PPRC1: variants seen among roughly 807,000 people sequenced by gnomAD.
PPRC1 encodes PPARG related coactivator 1.
Under a neutral mutation model 132.5 loss-of-function variants are expected in PPRC1, and 23 were observed. The ratio of observed to expected loss-of-function variants is 0.17; its 90% CI spans 0.12 to 0.25. The LOEUF (loss-of-function observed/expected upper bound fraction) is 0.25. Ranked by LOEUF, PPRC1 falls within the 10% of genes least tolerant of loss-of-function variation. The pLI is 1.00. For missense variants in PPRC1, 2,006 were observed against 2,089.1 expected (o/e 0.96, Z 0.78); for synonymous variants, 872 against 833.5 (o/e 1.05, Z -0.80).
chr10:102,146,332 A>G (rs751666253), intron 8 of PPRC1, among the ~76,000 whole-genome samples: 13 of 152,178 alleles, frequency 8.5e-5, no homozygotes, highest in Non-Finnish European at 1.6e-4. Context: ...TGATGACTGC[A>G]TGAGTGCAGG....
intron 2 of PPRC1, 35 bp downstream of exon 2, chr10:102,138,073 G>C: frequency 6.3e-7 from 1 of 1,597,882 alleles, no homozygotes; most frequent in Non-Finnish European, 8.5e-7. Context: ...TCTTCAAGCA[G>C]GAGGTTTACA....
At chr10:102,137,298 G>A (rs930003994) in intron 1 of PPRC1, among the ~76,000 whole-genome samples, 5 of 152,158 alleles carry the variant, frequency 3.3e-5, no homozygotes, top group Non-Finnish European at 7.4e-5. Context: ...TGGGGATGGG[G>A]GTAGGGGGTG....
chr10:102,149,189 G>C lies in PPRC1; in HGVS notation c.4751G>C (p.Gly1584Ala), dbSNP rs761512335. 1.9e-6 allele frequency: 3 copies of C among 1,591,980 alleles called. No individual in the cohort carries two copies. The highest frequency in any genetic ancestry group is 3.5e-5 in the Admixed American group (2 of 56,770). Residue 1584 changes from glycine (G) to alanine (A), a missense_variant, in exon 13 of 14, where the codon GGC becomes GCC. This residue lies in a region of PPRC1 where 92 missense variants were observed against 171.9 expected (regional missense o/e 0.54). Transcript: ENST00000278070. ...IHFRVQGDNY[G>A]FVTYRYAEEA... ...TCTCCTCCTACTAGGGACAACTACGGCTTCGTCACTTATCGCTATGCTGAG... is the reference window on the plus strand; with the variant it reads ...TCTCCTCCTACTAGGGACAACTACGCCTTCGTCACTTATCGCTATGCTGAG...
intron 2 of PPRC1, among the ~76,000 whole-genome samples, 195 bp downstream of exon 2, chr10:102,138,233 A>G (rs1277226591): frequency 1.3e-5 from 2 of 152,220 alleles, no homozygotes; most frequent in Non-Finnish European, 2.9e-5. Flanking sequence ...CCATGTAAGA[A>G]TTCCTTTCCT....
rs565951388 is a variant in PPRC1, at chr10:102,140,501, C to G, written c.1993C>G (p.Pro665Ala). 2.5e-6 allele frequency: 4 copies of G among 1,614,146 alleles called. 1 individual carries two copies. The South Asian group carries it at 3.3e-5, about 13-fold the overall frequency. Residue 665 changes from proline to alanine, a missense_variant, in exon 5 of 14, where the codon CCA becomes GCA. By Grantham distance (27) the Pro-to-Ala change is conservative. Transcript: ENST00000278070. ...TGATGCTGTCCCGTCTGGCCCAGCA[C>G]CAGTTGATCTAGCACTGGTTGACCC... The part of the protein sequence containing the change: ...PVDAVPSGPA[P>A]VDLALVDPVP...
intron 8 of PPRC1, among the ~76,000 whole-genome samples, chr10:102,146,444 A>G (rs1257538092): frequency 2.0e-5 from 3 of 152,014 alleles, no homozygotes; most frequent in Non-Finnish European, 4.4e-5. Context: ...GGGTAGTGAG[A>G]GGATGAGGGC....
Position 102,140,830 on chromosome 10 carries a change from C to G in PPRC1, c.2322C>G (p.Pro774=), listed in dbSNP as rs770203305. 29 of 1,613,868 alleles carry G rather than the reference C, an allele frequency of 1.8e-5. No individual in the cohort carries two copies. The South Asian group carries it at 3.0e-4, about 16-fold the overall frequency. ...AAACAGAAGAGAGAAGTCCACAGCC[C>G]CCAACTGGGAAGTGGCCTAGCCTTC... ...QAETEERSPQ[P]PTGKWPSLPE... Residue 774 remains proline, a synonymous_variant, in exon 5 of 14, where the codon CCC becomes CCG. Coordinates refer to ENST00000278070, the MANE Select transcript of PPRC1 (RefSeq NM_015062.5).
intron 6 of PPRC1, among the ~76,000 whole-genome samples, chr10:102,143,615 A>AG (rs1368819862): frequency 6.6e-6 from 1 of 151,942 alleles, no homozygotes; most frequent in Non-Finnish European, 1.5e-5. Flanking sequence ...AAAAAAAAAA[A>AG]AAAAGGAATC....
chr10:102,126,689 C>G, the PPRC1 span, among the ~76,000 whole-genome samples: 1 of 151,888 alleles, frequency 6.6e-6, no homozygotes, highest in Non-Finnish European at 1.5e-5. Context: ...GAACTCCTGA[C>G]CTCAGGTGAT....
chr10:102,127,047 AT>A, the PPRC1 span, among the ~76,000 whole-genome samples: 27 of 57,660 alleles, frequency 4.7e-4, no homozygotes, highest in South Asian at 7.3e-4. Flanking sequence ...ATATATATAT[AT>A]ATATATATAT....
chr10:102,148,987 A>C lies in PPRC1; in HGVS notation c.4739+49A>C, dbSNP rs772408004. 67 of 1,600,470 alleles carry C rather than the reference A, an allele frequency of 4.2e-5. 1 individual carries two copies. The highest frequency in any genetic ancestry group is 5.7e-5 in the Non-Finnish European group (67 of 1,173,892). ...GATGTTCTTTCTATCCCATTCATCT[A>C]CCTTGGTGTTTCTTTGTCTTGCCTC... is the stretch of plus-strand genomic sequence containing the variant. On this transcript the variant is annotated intron_variant, in intron 12 of 13. Transcript: ENST00000278070. The surrounding 1 kb of genome is among the most constrained non-coding windows in gnomAD (Gnocchi z 4.2).
chr10:102,146,910 A>G lies in PPRC1; in HGVS notation c.3918A>G (p.Pro1306=). The G allele has an allele frequency of 2.5e-6, 4 of 1,613,964 alleles. No homozygotes were observed. The highest frequency in any genetic ancestry group is 1.7e-6 in the Non-Finnish European group (2 of 1,179,958). ...ATTGTGTCCGGAGCAGGACCCCCCCAAAAAAGATGCCTGCCCTAGTCATTC... is the reference window on the plus strand; with the variant it reads ...ATTGTGTCCGGAGCAGGACCCCCCCGAAAAAGATGCCTGCCCTAGTCATTC... ...HDYCVRSRTP[P]KKMPALVIPE... The change falls in exon 9 of 14, where the codon CCA becomes CCG. Residue 1306 remains proline, a synonymous_variant. Coordinates refer to ENST00000278070, the MANE Select transcript of PPRC1 (RefSeq NM_015062.5).
upstream of PPRC1, chr10:102,132,971 T>A: frequency 4.9e-6 from 6 of 1,229,086 alleles, no homozygotes; most frequent in Non-Finnish European, 6.1e-6. Flanking sequence ...GGATTCGTAG[T>A]CTTGCAGTGT....
At chr10:102,122,680 A>G in the PPRC1 span, among the ~76,000 whole-genome samples, 3 of 152,160 alleles carry the variant, frequency 2.0e-5, no homozygotes, top group African/African-American at 7.2e-5. Context: ...GCTGACCAAC[A>G]CAATGGTGAT....
chr10:102,141,765 C>T lies in PPRC1; in HGVS notation c.3257C>T (p.Ser1086Phe). Residue 1086 changes from serine to phenylalanine, a missense_variant, in exon 5 of 14, where the codon TCT (serine) becomes TTT (phenylalanine). By Grantham distance (155) the Ser-to-Phe change is radical (BLOSUM62 -2). Coordinates refer to ENST00000278070, the MANE Select transcript of PPRC1 (RefSeq NM_015062.5). The part of the protein sequence containing the change: ...SPQMKALACV[S>F]AEGVTVEEPA... ...CAGATGAAGGCTCTAGCATGTGTGTCTGCTGAAGGTGTGACTGTTGAGGAG... is the reference window on the plus strand; with the variant it reads ...CAGATGAAGGCTCTAGCATGTGTGTTTGCTGAAGGTGTGACTGTTGAGGAG... The T allele has an allele frequency of 6.2e-7, 1 of 1,613,868 alleles. No individual in the cohort carries two copies.
At chr10:102,130,220 T>G (rs1177443483), upstream of PPRC1, among the ~76,000 whole-genome samples, 2 of 149,882 alleles carry the variant, frequency 1.3e-5, no homozygotes, top group South Asian at 4.2e-4. Context: ...ATCGAGACCA[T>G]CCTGGTTAAC....
At chr10:102,147,490 CA>C (rs2069315171) in intron 9 of PPRC1, 98 bp downstream of exon 9, 2 of 1,417,288 alleles carry the variant, frequency 1.4e-6, no homozygotes, top group South Asian at 2.8e-5. Context: ...TTGGTACTTT[CA>C]GGCGCTAAGG....
chr10:102,145,751 G>C (rs2069206655), intron 8 of PPRC1, among the ~76,000 whole-genome samples: 1 of 151,912 alleles, frequency 6.6e-6, no homozygotes, highest in Non-Finnish European at 1.5e-5. Flanking sequence ...TGTAGTCCCA[G>C]CTACTTGGGA....
intron 1 of PPRC1, among the ~76,000 whole-genome samples, chr10:102,137,398 G>A (rs2068766206): frequency 6.6e-6 from 1 of 152,152 alleles, no homozygotes; most frequent in African/African-American, 2.4e-5. Context: ...GGAAGCTGGG[G>A]TGTCTTCTTG....
Sources: allele counts gnomAD v4.1 joint callset (sites outside exome capture counted in the v4.1 genomes callset), GRCh38; gene constraint gnomAD v4.1.1; regional missense constraint gnomAD v4.1.1; non-coding constraint Gnocchi (gnomAD v3.1); transcripts MANE v1.5; gene names NCBI Gene and HGNC (gene_info 2026-07-23, HGNC 2026-07-21).